The following DOCK5 variants were observed in gnomAD, a reference collection of about 807,000 sequenced individuals.
DOCK5 encodes the protein dedicator of cytokinesis 5, also known as dedicator of cytokinesis protein 5.
In DOCK5, 142 loss-of-function variants were observed where a neutral mutation model predicts 251.8. That is an observed-to-expected ratio of 0.56 (90% CI 0.49 to 0.65). The LOEUF is 0.65. Ranked by LOEUF, DOCK5 falls within the 30% of genes least tolerant of loss-of-function variation. The pLI, the probability that DOCK5 is intolerant of heterozygous loss-of-function variation, is 0.00. For missense variants in DOCK5, 2,111 were observed against 2,312.3 expected (o/e 0.91, Z 1.79); for synonymous variants, 842 against 835.5 (o/e 1.01, Z -0.13).
At chr8:25,311,530 C>G (rs1355756672) in intron 13 of DOCK5, among the ~76,000 whole-genome samples, 2 of 130,002 alleles carry the variant, frequency 1.5e-5, no homozygotes, top group Non-Finnish European at 3.2e-5. Context: ...GCAACAAGAG[C>G]AAAACTCTGT....
intron 51 of DOCK5, 37 bp downstream of exon 51, chr8:25,410,239 C>T (rs747323900): frequency 1.7e-5 from 26 of 1,572,734 alleles, no homozygotes; most frequent in African/African-American, 6.8e-5. Flanking sequence ...GGCCAGGGAG[C>T]GCCACTCCTG....
intron 2 of DOCK5, among the ~76,000 whole-genome samples, chr8:25,250,137 A>C (rs1803228522): frequency 6.6e-6 from 1 of 152,210 alleles, no homozygotes; most frequent in Non-Finnish European, 1.5e-5. Context: ...ATTTTGAGGA[A>C]CTGCCAGACT....
At chr8:25,347,206 C>T (rs996978745) in intron 26 of DOCK5, among the ~76,000 whole-genome samples, 1 of 152,188 alleles carries the variant, frequency 6.6e-6, no homozygotes, top group African/African-American at 2.4e-5. Flanking sequence ...CACCTTTTCT[C>T]CTGCTCATGG....
At chr8:25,208,846 G>A (rs1802064052) in intron 1 of DOCK5, among the ~76,000 whole-genome samples, 1 of 152,072 alleles carries the variant, frequency 6.6e-6, no homozygotes, top group Non-Finnish European at 1.5e-5. Flanking sequence ...GTTAAAATAT[G>A]CCCATGACCT....
In DOCK5 at chr8:25,412,878, C is replaced by A. The variant is rs1174429644; in HGVS notation, c.*1580C>A. 6.6e-6 allele frequency: 1 copy of A among 152,192 alleles called. No individual in the cohort carries two copies. Among genetic ancestry groups the A allele is most frequent in the African/African-American group, 2.4e-5 (1 of 41,428 alleles). 9.4% of individuals were successfully genotyped at this position (152,192 alleles called of 1,614,324 possible). On this transcript the variant is annotated 3_prime_UTR_variant, in exon 52 of 52. Coordinates refer to ENST00000276440, the MANE Select transcript of DOCK5 (RefSeq NM_024940.8). ...CATGAGGGTCAGGGAAGCAAAAGCTCTCAGATGTGTCCAGGGCGTTACTTA... is the reference window on the plus strand; with the variant it reads ...CATGAGGGTCAGGGAAGCAAAAGCTATCAGATGTGTCCAGGGCGTTACTTA...
At position 25,310,499 on chromosome 8, in the gene DOCK5, C is replaced by A. The variant is rs564689438; in HGVS notation, c.1285C>A (p.Arg429=). ...GGTTGATAGATCAACAGCAATAGCC[C>A]GGAAGATGGGCTTTCCTGAAATCAT... ...HLVDRSTAIA[R]KMGFPEIILP... is the part of the protein sequence containing the mutation. The change falls in exon 13 of 52, where the codon CGG becomes AGG. Residue 429 remains arginine, a synonymous_variant. Coordinates refer to ENST00000276440, the MANE Select transcript of DOCK5 (RefSeq NM_024940.8). 9.9e-6 allele frequency: 16 copies of A among 1,612,946 alleles called. No individual in the cohort carries two copies. The South Asian group carries it at 1.8e-4, about 18-fold the overall frequency.
At position 25,212,663 on chromosome 8, in the gene DOCK5, A is replaced by C. The variant is rs1386366425; in HGVS notation, c.43+27712A>C. Among the ~76,000 whole-genome samples the C allele has an allele frequency of 2.8e-5, 2 of 70,714 alleles. 1 individual carries two copies. Among genetic ancestry groups the C allele is most frequent in the East Asian group, 6.2e-4 (2 of 3,204 alleles). 46.4% of individuals were successfully genotyped at this position (70,714 alleles called of 152,430 possible). ...TGTGTCACGTGACTGTGACCAATTC[A>C]TCTGAAGTAGCTAGAGAGTGTCTGA... On this transcript the variant is annotated intron_variant, in intron 1 of 51. Transcript: ENST00000276440.
At chr8:25,286,336 G>A (rs1804332037) in intron 5 of DOCK5, among the ~76,000 whole-genome samples, 1 of 152,190 alleles carries the variant, frequency 6.6e-6, no homozygotes, top group African/African-American at 2.4e-5. Flanking sequence ...GAAGCTGCCT[G>A]GGAGGAGTAA....
rs75601604 is a variant in DOCK5 at position 25,388,259 on chromosome 8, T to A, written c.4132-832T>A. ...TGTGCAATACATATTTTTATATGAATGGACAAGTGATTTTGAAAGACATTT... is the reference window on the plus strand; with the variant it reads ...TGTGCAATACATATTTTTATATGAAAGGACAAGTGATTTTGAAAGACATTT... On this transcript the variant is annotated intron_variant, in intron 40 of 51. Coordinates refer to ENST00000276440, the MANE Select transcript of DOCK5 (RefSeq NM_024940.8). 6.3e-3 allele frequency among the ~76,000 whole-genome samples: 962 copies of A among 152,344 alleles called. 6 individuals are homozygous for A. The highest frequency in any genetic ancestry group is 0.021 in the African/African-American group (883 of 41,584).
intron 28 of DOCK5, among the ~76,000 whole-genome samples, chr8:25,362,193 G>A (rs1156598219): frequency 6.6e-6 from 1 of 152,180 alleles, no homozygotes; most frequent in African/African-American, 2.4e-5. Context: ...CGCAGGAAGA[G>A]TGGTGATTCT....
chr8:25,403,615 A>G lies in DOCK5; in HGVS notation c.4984A>G (p.Ile1662Val), dbSNP rs1471342160. The G allele has an allele frequency of 1.2e-6, 2 of 1,613,844 alleles. No individual in the cohort carries two copies. Among genetic ancestry groups the G allele is most frequent in the Non-Finnish European group, 1.7e-6 (2 of 1,179,894 alleles). Residue 1662 changes from isoleucine (I) to valine (V), a missense_variant, in exon 48 of 52, where the codon ATC (isoleucine) becomes GTC (valine). This residue lies in a region of DOCK5 where 1,717 missense variants were observed against 1,892.4 expected (regional missense o/e 0.91). Coordinates refer to ENST00000276440, the MANE Select transcript of DOCK5 (RefSeq NM_024940.8). ...SRTGSIVLPY[I>V]MSSTLRRLSI... is the part of the protein sequence containing the mutation. ...CACGGGGTCTATTGTGCTCCCCTACATCATGTCTTCCACTCTGCGGAGGTT... is the reference window on the plus strand; with the variant it reads ...CACGGGGTCTATTGTGCTCCCCTACGTCATGTCTTCCACTCTGCGGAGGTT...
intron 34 of DOCK5, among the ~76,000 whole-genome samples, chr8:25,370,242 T>C (rs1800850274): frequency 1.3e-5 from 2 of 152,228 alleles, no homozygotes; most frequent in Non-Finnish European, 2.9e-5. Flanking sequence ...GGGAAAGTGA[T>C]TAAAAACACA....
chr8:25,256,939 T>C (rs1341515345), intron 2 of DOCK5, among the ~76,000 whole-genome samples: 1 of 152,082 alleles, frequency 6.6e-6, no homozygotes, highest in African/African-American at 2.4e-5. Flanking sequence ...TTCTACCATT[T>C]TCTTGGAGTA....
At chr8:25,259,963 C>T (rs1428990651) in intron 2 of DOCK5, among the ~76,000 whole-genome samples, 1 of 152,094 alleles carries the variant, frequency 6.6e-6, no homozygotes, top group African/African-American at 2.4e-5. Flanking sequence ...TTTCAAAAGC[C>T]CCAGTGAGTT....
intron 1 of DOCK5, among the ~76,000 whole-genome samples, chr8:25,199,197 T>C (rs1209417661): frequency 1.3e-5 from 2 of 152,146 alleles, no homozygotes; most frequent in African/African-American, 4.8e-5. Flanking sequence ...AGTAAACGTT[T>C]AAGGGGTGAA....
intron 44 of DOCK5, among the ~76,000 whole-genome samples, chr8:25,393,481 A>G (rs941358327): frequency 5.3e-5 from 8 of 152,180 alleles, no homozygotes; most frequent in African/African-American, 1.9e-4. Context: ...CCTGGAGTAT[A>G]AAGCCTGTCC....
rs530938283 is a variant in DOCK5 at position 25,257,840 on chromosome 8, G to C, written c.128-11005G>C. 4.1e-4 allele frequency among the ~76,000 whole-genome samples: 62 copies of C among 152,290 alleles called. 1 individual carries two copies. Among genetic ancestry groups the C allele is most frequent in the African/African-American group, 1.4e-3 (58 of 41,568 alleles). ...GATAACAAAACCAGCATAAGAGTGA[G>C]TTGCAGCAAATTCATTGCTCCTACT... On this transcript the variant is annotated intron_variant, in intron 2 of 51. Coordinates refer to ENST00000276440, the MANE Select transcript of DOCK5 (RefSeq NM_024940.8).
chr8:25,316,127 AAG>A (rs1805244295), intron 13 of DOCK5, among the ~76,000 whole-genome samples: 1 of 152,192 alleles, frequency 6.6e-6, no homozygotes, highest in Admixed American at 6.5e-5. Flanking sequence ...AAAAAAGAAA[AAG>A]AGCAGCAGAA....
At chr8:25,364,828 T>C in intron 30 of DOCK5, 124 bp downstream of exon 30, 1 of 711,290 alleles carries the variant, frequency 1.4e-6, no homozygotes, top group Non-Finnish European at 2.3e-6. Flanking sequence ...CCTGTGTTTT[T>C]TCATTTCCTA....
Sources: allele counts gnomAD v4.1 joint callset (sites outside exome capture counted in the v4.1 genomes callset), GRCh38; gene constraint gnomAD v4.1.1; regional missense constraint gnomAD v4.1.1; transcripts MANE v1.5; gene names NCBI Gene and HGNC (gene_info 2026-07-23, HGNC 2026-07-21).